Variants in INPP5K observed in about 807,000 individuals in gnomAD.
INPP5K encodes inositol polyphosphate-5-phosphatase K.
Under a neutral mutation model 53.5 loss-of-function variants are expected in INPP5K, and 35 were observed. The ratio of observed to expected loss-of-function variants is 0.65; its 90% CI spans 0.50 to 0.87. INPP5K has a LOEUF of 0.87. Ranked by LOEUF, INPP5K falls within the 40% of genes least tolerant of loss-of-function variation. The pLI is 0.00. For synonymous variants in INPP5K, 253 were observed against 232.8 expected (o/e 1.09, Z -0.79); for missense variants, 550 against 586.2 (o/e 0.94, Z 0.64).
Position 1,507,106 on chromosome 17 carries a change from A to G in INPP5K, c.667-17T>C, listed in dbSNP as rs888004096. On this transcript the variant is annotated splice_polypyrimidine_tract_variant and intron_variant, in intron 6 of 11. Coordinates refer to ENST00000421807, the MANE Select transcript of INPP5K (RefSeq NM_016532.4). ...AATGCTGAGCTGCAGACAAAGTCAT[A>G]GTCCCCGTCTCCCAGTAGTCTCGAC... The G allele has an allele frequency of 2.0e-5, 32 of 1,602,944 alleles. No homozygotes were observed. The highest frequency in any genetic ancestry group is 2.4e-5 in the Non-Finnish European group (28 of 1,170,178).
At chr17:1,504,799 C>T (rs748577779) in intron 7 of INPP5K, among the ~76,000 whole-genome samples, 4 of 152,188 alleles carry the variant, frequency 2.6e-5, no homozygotes, top group South Asian at 2.1e-4. Flanking sequence ...TCCTCCTTAG[C>T]GGGAGTCTGC....
At chr17:1,503,541 C>T (rs1431188379) in intron 7 of INPP5K, among the ~76,000 whole-genome samples, 1 of 151,904 alleles carries the variant, frequency 6.6e-6, no homozygotes, top group Non-Finnish European at 1.5e-5. Context: ...ATGGTGAAAC[C>T]TCATCTCTAC....
Position 1,496,368 on chromosome 17 carries a change from T to C in INPP5K, c.1136A>G (p.Tyr379Cys). 1.3e-6 allele frequency: 2 copies of C among 1,564,858 alleles called. No individual in the cohort carries two copies. The highest frequency in any genetic ancestry group is 2.4e-5 in the East Asian group (1 of 42,416). Reference protein sequence around the residue: ...GLRDVNDYVSYAWVGDSKVSC... With the variant: ...GLRDVNDYVSCAWVGDSKVSC... ...GACCTTGCTGTCCCCGACCCAGGCA[T>C]AGGACACGTAGTCATTAACGTCCCG... The change falls in exon 10 of 12, where the codon TAT becomes TGT. Residue 379 changes from tyrosine to cysteine, a missense_variant. Transcript: ENST00000421807.
intron 7 of INPP5K, among the ~76,000 whole-genome samples, chr17:1,499,656 G>A (rs917323008): frequency 9.2e-5 from 14 of 152,244 alleles, no homozygotes; most frequent in African/African-American, 2.4e-4. Flanking sequence ...CCAGCCTTCC[G>A]AAGCAACTAC....
intron 6 of INPP5K, chr17:1,507,407 G>A: frequency 3.1e-6 from 1 of 321,758 alleles, no homozygotes; most frequent in Non-Finnish European, 5.7e-6. Context: ...GGAACCTGGG[G>A]AAGCCAGGGT....
At chr17:1,496,535 C>G (rs943978291) in intron 9 of INPP5K, 131 bp downstream of exon 9, 2 of 1,393,752 alleles carry the variant, frequency 1.4e-6, no homozygotes, top group Non-Finnish European at 1.0e-6. Context: ...CACTGCCAGC[C>G]TTTAGCTACA....
chr17:1,501,858 A>ACAC (rs2075021474), intron 7 of INPP5K, among the ~76,000 whole-genome samples: 2 of 147,734 alleles, frequency 1.4e-5, no homozygotes, highest in African/African-American at 2.5e-5. Flanking sequence ...CTCTACTAAA[A>ACAC]ACACACACAC....
At position 1,495,780 on chromosome 17, in the gene INPP5K, C is replaced by G. The variant is rs371161831; in HGVS notation, c.*43G>C. ...CCCGGCAGTGGAAAGGCAGAGCTGG[C>G]TGCCAGCTCTGGCCTCCGCCTGGGA... On this transcript the variant is annotated 3_prime_UTR_variant, in exon 12 of 12. Coordinates refer to ENST00000421807, the MANE Select transcript of INPP5K (RefSeq NM_016532.4). 47 of 1,507,246 alleles carry G rather than the reference C, an allele frequency of 3.1e-5. 2 individuals are homozygous for G. Among genetic ancestry groups the G allele is most frequent in the African/African-American group, 2.6e-4 (19 of 72,826 alleles). 93.4% of individuals were successfully genotyped at this position (1,507,246 alleles called of 1,614,324 possible). A position where few individuals can be genotyped will look rare whatever the true frequency, so the allele number is the denominator to read the frequency against.
chr17:1,506,431 T>C (rs1347986872), intron 7 of INPP5K, among the ~76,000 whole-genome samples: 1 of 152,174 alleles, frequency 6.6e-6, no homozygotes, highest in East Asian at 1.9e-4. Flanking sequence ...ATCCACACCT[T>C]ATAGCTGACA....
In INPP5K at chr17:1,497,801, G is replaced by T. The variant is rs923521230; in HGVS notation, c.963+135C>A. 1.6e-5 allele frequency: 12 copies of T among 754,454 alleles called. No homozygotes were observed. In the African/African-American group the frequency reaches 2.1e-4, roughly 13 times the overall value. 46.7% of individuals were successfully genotyped at this position (754,454 alleles called of 1,614,324 possible). A position where few individuals can be genotyped will look rare whatever the true frequency, so the allele number is the denominator to read the frequency against. ...AAGAGGAGCTGGGATATCCGACCTG[G>T]CAGGAAAGGCAATCATGGCCTCCAC... On this transcript the variant is annotated intron_variant, in intron 8 of 11. Coordinates refer to ENST00000421807, the MANE Select transcript of INPP5K (RefSeq NM_016532.4).
Position 1,496,786 on chromosome 17 carries a change from A to T in INPP5K, c.981T>A (p.Ser327=). Residue 327 remains serine (S), a synonymous_variant, in exon 9 of 12, where the codon TCT becomes TCA. Transcript: ENST00000421807. ...TFDLELKPLV[S]APLIVLMPED... ...CGGGCATCAGGACGATCAGCGGAGC[A>T]GACACCAATGGCTTCAGCTAGACAC... 1 of 1,614,136 alleles carries T rather than the reference A, an allele frequency of 6.2e-7. No individual in the cohort carries two copies. The highest frequency in any genetic ancestry group is 2.2e-5 in the East Asian group (1 of 44,888).
chr17:1,510,967 T>C (rs897152032), intron 3 of INPP5K, among the ~76,000 whole-genome samples: 1 of 152,098 alleles, frequency 6.6e-6, no homozygotes, highest in Non-Finnish European at 1.5e-5. Flanking sequence ...CATGGGTATA[T>C]GCAAAAACCC....
Position 1,509,666 on chromosome 17 carries a change from A to G in INPP5K, c.378+17T>C. ...GCCCTTCCCAGCTCACGACTCAGAC[A>G]ATAGCTCAGTCCTTACCCAGTACCC... On this transcript the variant is annotated intron_variant, in intron 4 of 11. Transcript: ENST00000421807. The G allele has an allele frequency of 6.8e-7, 1 of 1,480,750 alleles. No homozygotes were observed. The highest frequency in any genetic ancestry group is 9.4e-7 in the Non-Finnish European group (1 of 1,058,670). The allele number at this position is 1,480,750 out of a possible 1,614,324, so 91.7% of individuals were successfully genotyped here. A position where few individuals can be genotyped will look rare whatever the true frequency, so the allele number is the denominator to read the frequency against.
At chr17:1,497,658 T>C (rs1267974300) in intron 8 of INPP5K, 2 of 306,320 alleles carry the variant, frequency 6.5e-6, no homozygotes, top group Admixed American at 4.5e-5. Flanking sequence ...ACTTCTCACA[T>C]TGGGTAATAA....
chr17:1,498,597 T>C (rs1455604561), intron 7 of INPP5K, among the ~76,000 whole-genome samples: 1 of 152,088 alleles, frequency 6.6e-6, no homozygotes, highest in Non-Finnish European at 1.5e-5. Context: ...CACACCTTTT[T>C]TTAAATTTAA....
At chr17:1,507,255 C>A in intron 6 of INPP5K, 166 bp from the exon 7 acceptor site, 1 of 582,486 alleles carries the variant, frequency 1.7e-6, no homozygotes, top group Non-Finnish European at 3.1e-6. Context: ...CCCACTCCCA[C>A]CAGAAAGCAG....
intron 3 of INPP5K, among the ~76,000 whole-genome samples, chr17:1,512,679 G>A (rs1173086270): frequency 6.6e-6 from 1 of 152,116 alleles, no homozygotes; most frequent in Non-Finnish European, 1.5e-5. Context: ...GGGCCTTCCT[G>A]TGGACTCTCC....
chr17:1,498,908 C>G (rs963255557), intron 7 of INPP5K, among the ~76,000 whole-genome samples: 2 of 152,176 alleles, frequency 1.3e-5, no homozygotes, highest in African/African-American at 4.8e-5. Flanking sequence ...GTATCATGCT[C>G]TCTTTACAGG....
chr17:1,495,681 G>C lies in INPP5K; in HGVS notation c.*142C>G. The C allele has an allele frequency of 1.6e-6, 1 of 635,092 alleles. No individual in the cohort carries two copies. The highest frequency in any genetic ancestry group is 2.8e-6 in the Non-Finnish European group (1 of 355,090). The allele number at this position is 635,092 out of a possible 1,614,324, so 39.3% of individuals were successfully genotyped here. A position where few individuals can be genotyped will look rare whatever the true frequency, so the allele number is the denominator to read the frequency against. ...TGGAGAGAGCAAATGAGCCTGGTTA[G>C]AGCTCACTCTGGGAGGAGTATGTGG... On this transcript the variant is annotated 3_prime_UTR_variant, in exon 12 of 12. Coordinates refer to ENST00000421807, the MANE Select transcript of INPP5K (RefSeq NM_016532.4).
Sources: allele counts gnomAD v4.1 joint callset (sites outside exome capture counted in the v4.1 genomes callset), GRCh38; gene constraint gnomAD v4.1.1; transcripts MANE v1.5; gene names NCBI Gene and HGNC (gene_info 2026-07-23, HGNC 2026-07-21).